Variants in DNAH12 observed in about 807,000 individuals in gnomAD.
DNAH12 encodes the protein dynein axonemal heavy chain 12, also known as axonemal beta dynein heavy chain 12.
A neutral mutation model predicts 371.5 loss-of-function variants in DNAH12; 285 were observed. The ratio of observed to expected loss-of-function variants is 0.77; its 90% confidence interval spans 0.70 to 0.85. The LOEUF (loss-of-function observed/expected upper bound fraction) is 0.85, where lower values mean the gene tolerates loss of function less well. DNAH12 is among the 40% of genes least tolerant of loss of function. The pLI is 0.00. For missense variants in DNAH12, 3,611 were observed against 3,689.4 expected (o/e 0.98, Z 0.55); for synonymous variants, 1,200 against 1,213.0 (o/e 0.99, Z 0.22).
intron 60 of DNAH12, among the ~76,000 whole-genome samples, chr3:57,336,364 G>A (rs2062222081): frequency 6.6e-6 from 1 of 152,142 alleles, no homozygotes; most frequent in African/African-American, 2.4e-5. Flanking sequence ...TCATAAACAT[G>A]CTGAAGGAGT....
chr3:57,351,941 C>G (rs988319410), intron 60 of DNAH12, 144 bp downstream of exon 60: 1 of 790,228 alleles, frequency 1.3e-6, no homozygotes, highest in Non-Finnish European at 1.9e-6. Context: ...ATCGTAGAAG[C>G]CATTGTTATC....
intron 55 of DNAH12, among the ~76,000 whole-genome samples, chr3:57,373,315 C>A (rs963241257): frequency 0.011 from 702 of 65,488 alleles, 1 homozygote; most frequent in Admixed American, 0.027. Context: ...TATTACTCAA[C>A]TGATTTTTTT....
rs1227133976 is a variant in DNAH12, at chr3:57,361,421, C to CTA, written c.9360+2171_9360+2172dup. On this transcript the variant is annotated intron_variant, in intron 58 of 73. Transcript: ENST00000495027. ...CGCACTATATATATATACACACACACTATATATATATACACACACACACTA... is the reference window on the plus strand; with the variant it reads ...CGCACTATATATATATACACACACACTATATATATATATACACACACACACTA... 1.5e-3 allele frequency among the ~76,000 whole-genome samples: 195 copies of CTA among 133,590 alleles called. 6 individuals carry two copies. In the East Asian group the frequency reaches 0.036, roughly 24 times the overall value. The allele number at this position is 133,590 out of a possible 152,430, so 87.6% of individuals were successfully genotyped here. A position where few individuals can be genotyped will look rare whatever the true frequency, so the allele number is the denominator to read the frequency against.
At chr3:57,509,861 T>TAAAAAAAAAAAAAAAAA (rs902155403) in intron 5 of DNAH12, among the ~76,000 whole-genome samples, 22 of 46,560 alleles carry the variant, frequency 4.7e-4, no homozygotes, top group South Asian at 9.5e-4. Flanking sequence ...GACTCCATCA[T>TAAAAAAAAAAAAAAAAA]AAAAAAAAAA....
intron 67 of DNAH12, among the ~76,000 whole-genome samples, chr3:57,310,245 C>CT (rs2061558163): frequency 6.6e-6 from 1 of 152,224 alleles, no homozygotes; most frequent in Non-Finnish European, 1.5e-5. Context: ...TCTAAACCCC[C>CT]TTTCCTTTAT....
chr3:57,539,154 A>G (rs1394567733), intron 2 of DNAH12, among the ~76,000 whole-genome samples: 1 of 152,098 alleles, frequency 6.6e-6, no homozygotes, highest in East Asian at 1.9e-4. Flanking sequence ...GTGTCCCCCT[A>G]TTCCTGCCCT....
intron 43 of DNAH12, among the ~76,000 whole-genome samples, chr3:57,401,838 A>G (rs530961167): frequency 1.0e-3 from 157 of 152,304 alleles, no homozygotes; most frequent in African/African-American, 3.7e-3. Flanking sequence ...ACAGAAATAC[A>G]AAGAATTATA....
intron 49 of DNAH12, among the ~76,000 whole-genome samples, chr3:57,383,022 T>C (rs2063427394): frequency 6.6e-6 from 1 of 151,668 alleles, no homozygotes; most frequent in Admixed American, 6.6e-5. Context: ...ATGGGGAGAG[T>C]GGCAGGGTGC....
chr3:57,378,447 G>A (rs1449130509), intron 52 of DNAH12, among the ~76,000 whole-genome samples: 3 of 152,042 alleles, frequency 2.0e-5, no homozygotes, highest in African/African-American at 7.2e-5. Context: ...ACAGGTACAT[G>A]TACATATATC....
chr3:57,540,061 C>CT (rs201799417), intron 2 of DNAH12, among the ~76,000 whole-genome samples: 3,679 of 150,590 alleles, frequency 0.024, 70 homozygotes, highest in Non-Finnish European at 0.035. Flanking sequence ...TTTCTTTTTT[C>CT]TTTTTTTTGA....
At chr3:57,473,073 T>A (rs2066413087) in intron 13 of DNAH12, among the ~76,000 whole-genome samples, 1 of 152,094 alleles carries the variant, frequency 6.6e-6, no homozygotes, top group South Asian at 2.1e-4. Flanking sequence ...ATGACAAAGA[T>A]TTTAGTATCT....
chr3:57,520,135 G>A lies in DNAH12; in HGVS notation c.279+3448C>T, dbSNP rs1284925533. ...TTTCTTTTCCTTTCTTTTTTGAGAC[G>A]GAGTTTCGCTCTTGTCGCCCAGACT... On this transcript the variant is annotated intron_variant, in intron 4 of 73. Coordinates refer to ENST00000495027, the MANE Select transcript of DNAH12 (RefSeq NM_001366028.2). The A allele has an allele frequency of 5.3e-5, 23 of 433,168 alleles. 1 individual carries two copies. Among genetic ancestry groups the A allele is most frequent in the Middle Eastern group, 6.9e-4 (1 of 1,442 alleles). 26.8% of individuals were successfully genotyped at this position (433,168 alleles called of 1,614,324 possible).
intron 40 of DNAH12, among the ~76,000 whole-genome samples, chr3:57,406,922 TG>T (rs1197211085): frequency 6.6e-6 from 1 of 152,160 alleles, no homozygotes; most frequent in African/African-American, 2.4e-5. Context: ...ATTTTTGAGA[TG>T]GAGTCTCATT....
At chr3:57,350,225 C>G (rs1356851605) in intron 60 of DNAH12, among the ~76,000 whole-genome samples, 1 of 152,074 alleles carries the variant, frequency 6.6e-6, no homozygotes, top group Non-Finnish European at 1.5e-5. Context: ...TCTCAGAAAT[C>G]ACCACTAAAG....
intron 60 of DNAH12, among the ~76,000 whole-genome samples, chr3:57,344,291 CAA>C (rs2062484551): frequency 9.4e-6 from 1 of 106,290 alleles, no homozygotes; most frequent in African/African-American, 3.5e-5. Flanking sequence ...CCAAAAAATA[CAA>C]ATGCTGGTGA....
At chr3:57,339,044 C>G (rs2062320033) in intron 60 of DNAH12, among the ~76,000 whole-genome samples, 1 of 152,208 alleles carries the variant, frequency 6.6e-6, no homozygotes, top group African/African-American at 2.4e-5. Flanking sequence ...AAAAATTCTT[C>G]TGCCTTGGGC....
chr3:57,453,286 C>T lies in DNAH12; in HGVS notation c.3574G>A (p.Val1192Ile). 6.5e-7 allele frequency: 1 copy of T among 1,548,346 alleles called. No homozygotes were observed. Among genetic ancestry groups the T allele is most frequent in the Non-Finnish European group, 8.7e-7 (1 of 1,146,144 alleles). ...TTLGALVTID[V>I]HARDVVMDMI... Reference sequence around the variant, plus strand: ...TCCATGACCACATCTCTAGCATGGACATCAATAGTAACCAAAGCCCCCAGA... The same window carrying T: ...TCCATGACCACATCTCTAGCATGGATATCAATAGTAACCAAAGCCCCCAGA... Residue 1192 changes from valine to isoleucine, a missense_variant, in exon 24 of 74, where the codon GTC becomes ATC. Coordinates refer to ENST00000495027, the MANE Select transcript of DNAH12 (RefSeq NM_001366028.2).
chr3:57,402,591 A>G (rs1226113325), intron 43 of DNAH12, among the ~76,000 whole-genome samples: 1 of 152,228 alleles, frequency 6.6e-6, no homozygotes, highest in African/African-American at 2.4e-5. Flanking sequence ...GTACAGAAAG[A>G]TAAACATTAC....
chr3:57,320,474 G>A (rs1167119702), intron 65 of DNAH12, among the ~76,000 whole-genome samples: 1 of 152,162 alleles, frequency 6.6e-6, no homozygotes, highest in Non-Finnish European at 1.5e-5. Flanking sequence ...AACAACCTGT[G>A]ACTAAAAAGA....
Sources: gnomAD v4.1 joint callset for allele counts (sites outside exome capture counted in the v4.1 genomes callset) on GRCh38, gnomAD v4.1.1 for gene constraint, MANE v1.5 for transcripts, NCBI Gene and HGNC (gene_info 2026-07-23, HGNC 2026-07-21) for gene names.